Variants in REPS2 observed in about 807,000 individuals in gnomAD.
The protein encoded by REPS2 is RALBP1 associated Eps domain containing 2, also known as ralBP1-associated Eps domain-containing protein 2.
Under a neutral mutation model 53.6 loss-of-function variants are expected in REPS2, and 23 were observed. The observed-to-expected ratio is 0.43, with a 90% CI of 0.31 to 0.61. The LOEUF (loss-of-function observed/expected upper bound fraction) is 0.61, where lower values mean the gene tolerates loss of function less well. REPS2 is among the 20% of genes least tolerant of loss of function. The pLI is 0.11. For missense variants in REPS2, 446 were observed against 534.9 expected (o/e 0.83, Z 1.64); for synonymous variants, 238 against 218.6 (o/e 1.09, Z -0.78).
chrX:16,971,811 T>G (rs957913452), intron 1 of REPS2, among the ~76,000 whole-genome samples: 1 of 112,447 alleles, frequency 8.9e-6, no homozygotes, highest in Admixed American at 9.5e-5. Flanking sequence ...GGAACCCTTG[T>G]GCAAAACCAA....
chrX:16,985,597 C>T (rs147745297), intron 1 of REPS2, among the ~76,000 whole-genome samples: 2 of 111,684 alleles, frequency 1.8e-5, no homozygotes, highest in East Asian at 2.8e-4. Context: ...AAAAAATCCA[C>T]GATTTGAAGA....
At position 17,095,524 on chromosome X, in the gene REPS2, CTTTTT is replaced by C. The variant is rs34731910; in HGVS notation, c.1517-8183_1517-8179del. On this transcript the variant is annotated intron_variant, in intron 13 of 17. Coordinates refer to ENST00000357277, the MANE Select transcript of REPS2 (RefSeq NM_004726.3). Reference sequence around the variant, plus strand: ...CTGCTCCTAAACTGCTTCAATCAGTCTTTTTTTTTTTTTTTAATGAGGATGGAACA... The same window carrying C: ...CTGCTCCTAAACTGCTTCAATCAGTCTTTTTTTTTTAATGAGGATGGAACA... Among the ~76,000 whole-genome samples, 326 of 96,878 alleles carry C rather than the reference CTTTTT, an allele frequency of 3.4e-3. 2 individuals are homozygous for C. The highest frequency in any genetic ancestry group is 9.5e-3 in the African/African-American group (251 of 26,449). The allele number at this position is 96,878 out of a possible 115,157, so 84.1% of individuals were successfully genotyped here. A position where few individuals can be genotyped will look rare whatever the true frequency, so the allele number is the denominator to read the frequency against.
intron 1 of REPS2, among the ~76,000 whole-genome samples, chrX:16,955,886 C>CT (rs1169783143): frequency 1.8e-5 from 2 of 112,202 alleles, no homozygotes; most frequent in Admixed American, 9.5e-5. Flanking sequence ...TCTGTTGAGC[C>CT]TTTTTGTGGC....
At chrX:17,047,264 A>T (rs2061920120) in intron 5 of REPS2, 83 bp from the exon 6 acceptor site, 1 of 1,055,973 alleles carries the variant, frequency 9.5e-7, no homozygotes, top group African/African-American at 1.8e-5. Flanking sequence ...ATAACACATG[A>T]TAACTTTTAT....
intron 13 of REPS2, among the ~76,000 whole-genome samples, chrX:17,080,059 G>A (rs1000611980): frequency 4.5e-5 from 5 of 111,365 alleles, no homozygotes; most frequent in African/African-American, 1.6e-4. Flanking sequence ...TAGATAAATG[G>A]GATCACACTA....
intron 9 of REPS2, among the ~76,000 whole-genome samples, chrX:17,064,644 T>C (rs2062202820): frequency 8.9e-6 from 1 of 112,600 alleles, no homozygotes; most frequent in African/African-American, 3.2e-5. Context: ...ATAGAGACTT[T>C]ACATACCATA....
chrX:17,098,042 G>A (rs998552703), intron 13 of REPS2, among the ~76,000 whole-genome samples: 1 of 110,874 alleles, frequency 9.0e-6, no homozygotes, highest in Non-Finnish European at 1.9e-5. Flanking sequence ...GTTTGGGGGT[G>A]GTGCTCTCCA....
intron 14 of REPS2, among the ~76,000 whole-genome samples, chrX:17,108,462 G>A (rs1368102029): frequency 3.6e-5 from 4 of 111,215 alleles, no homozygotes; most frequent in Non-Finnish European, 3.8e-5. Context: ...ATGAGCCACC[G>A]TGCCCGGCGA....
intron 14 of REPS2, among the ~76,000 whole-genome samples, chrX:17,108,815 G>A (rs927885011): frequency 7.2e-5 from 8 of 110,928 alleles, no homozygotes; most frequent in African/African-American, 2.6e-4. Context: ...TGAAAGCACT[G>A]TGGGAGAAGC....
At chrX:16,963,876 T>C (rs1165250821) in intron 1 of REPS2, among the ~76,000 whole-genome samples, 1 of 111,368 alleles carries the variant, frequency 9.0e-6, no homozygotes, top group Admixed American at 9.6e-5. Flanking sequence ...TGTAGGTTCT[T>C]AGGTGAAACA....
At chrX:17,038,413 C>T (rs924869732) in intron 5 of REPS2, among the ~76,000 whole-genome samples, 3 of 111,779 alleles carry the variant, frequency 2.7e-5, no homozygotes, top group African/African-American at 6.5e-5. Flanking sequence ...TCTCCAAAAC[C>T]GCACAGCAGA....
intron 14 of REPS2, among the ~76,000 whole-genome samples, chrX:17,120,035 T>G (rs190364543): frequency 9.4e-4 from 104 of 110,170 alleles, no homozygotes; most frequent in African/African-American, 3.2e-3. Context: ...TGCCACCACG[T>G]CCGGCTAATT....
chrX:17,182,051 G>T, the REPS2 span, among the ~76,000 whole-genome samples: 1 of 111,914 alleles, frequency 8.9e-6, no homozygotes, highest in African/African-American at 3.3e-5. Context: ...TCAAGGAATA[G>T]AATACAGTGT....
chrX:17,102,541 A>T (rs1212735454), intron 13 of REPS2, among the ~76,000 whole-genome samples: 1 of 112,139 alleles, frequency 8.9e-6, no homozygotes, highest in Non-Finnish European at 1.9e-5. Flanking sequence ...CCACCTCTGG[A>T]GTTTTAACCC....
At position 17,011,057 on chromosome X, in the gene REPS2, CTGTGTGTG is replaced by C. The variant is rs60541913; in HGVS notation, c.397+4749_397+4756del. 5.6e-3 allele frequency among the ~76,000 whole-genome samples: 574 copies of C among 102,532 alleles called. 7 individuals carry two copies. Among genetic ancestry groups the C allele is most frequent in the African/African-American group, 0.02 (546 of 27,699 alleles). 89.0% of individuals were successfully genotyped at this position (102,532 alleles called of 115,157 possible). ...AGCATTTTTAAGAGCTTTGCTTAAA[CTGTGTGTG>C]TGTGTGTGTGTGTGTGTGTGTGTGT... On this transcript the variant is annotated intron_variant, in intron 2 of 17. Coordinates refer to ENST00000357277, the MANE Select transcript of REPS2 (RefSeq NM_004726.3).
At chrX:16,998,245 T>TA (rs1041782465) in intron 1 of REPS2, among the ~76,000 whole-genome samples, 44 of 109,253 alleles carry the variant, frequency 4.0e-4, no homozygotes, top group African/African-American at 1.3e-3. Flanking sequence ...TGACCCTGTC[T>TA]AAAAAAAAAT....
At chrX:16,962,167 A>G (rs1378738630) in intron 1 of REPS2, among the ~76,000 whole-genome samples, 1 of 110,684 alleles carries the variant, frequency 9.0e-6, no homozygotes, top group African/African-American at 3.3e-5. Context: ...TCAGTGTGTC[A>G]AAGAGGTATC....
At chrX:17,043,629 T>A (rs1465905239) in intron 5 of REPS2, among the ~76,000 whole-genome samples, 1 of 111,688 alleles carries the variant, frequency 9.0e-6, no homozygotes, top group Non-Finnish European at 1.9e-5. Context: ...CCACTGAGCA[T>A]CTGTTTAGGG....
intron 16 of REPS2, chrX:17,138,451 G>A (rs943035261): frequency 1.7e-5 from 2 of 115,933 alleles, no homozygotes; most frequent in East Asian, 2.7e-4. Flanking sequence ...TAATGTTCTT[G>A]TATTATTTTC....
Sources: allele counts gnomAD v4.1 joint callset (sites outside exome capture counted in the v4.1 genomes callset), GRCh38; gene constraint gnomAD v4.1.1; transcripts MANE v1.5; gene names NCBI Gene and HGNC (gene_info 2026-07-23, HGNC 2026-07-21).